The following STARD13 variants were observed in gnomAD, a reference collection of about 807,000 sequenced individuals.
STARD13 encodes the protein stAR-related lipid transfer protein 13.
STARD13 carries 62 observed loss-of-function variants against 106.4 expected under a neutral mutation model. That is an observed-to-expected ratio of 0.58 (90% CI 0.48 to 0.72). The LOEUF is 0.72. STARD13 is among the 30% of genes least tolerant of loss of function. The pLI is 0.00. For synonymous variants in STARD13, 565 were observed against 553.0 expected, an observed-to-expected ratio of 1.02 and a Z score of -0.31; for missense variants, 1,387 against 1,424.0, an observed-to-expected ratio of 0.97 and a Z score of 0.42.
At chr13:33,415,646 G>A in the STARD13 span, among the ~76,000 whole-genome samples, 10 of 152,054 alleles carry the variant, frequency 6.6e-5, no homozygotes, top group South Asian at 2.1e-3. Flanking sequence ...GCAGCGCTCC[G>A]CAGACCTCAA....
At chr13:33,336,672 C>T (rs554808087) in intron 1 of STARD13, 1 of 150,838 alleles carries the variant, frequency 6.6e-6, no homozygotes, top group African/African-American at 2.4e-5. Context: ...GGGAGGATGG[C>T]TTGAGCCACA....
chr13:33,265,064 C>T (rs532438267), intron 1 of STARD13, among the ~76,000 whole-genome samples: 100 of 152,244 alleles, frequency 6.6e-4, no homozygotes, highest in African/African-American at 2.4e-3. Context: ...TCAGAGTAAG[C>T]CAGTTCTCCG....
In STARD13 at chr13:33,205,835, C is replaced by G. The variant is rs556168644; in HGVS notation, c.170-38213G>C. On this transcript the variant is annotated intron_variant, in intron 1 of 13. Transcript: ENST00000336934. ...CAAACTTACTTTGTTTAAAATTGTC[C>G]TTAGGCTGTGCTGTACCTTTCAAAC... 3.0e-6 allele frequency: 3 copies of G among 985,216 alleles called. No individual in the cohort carries two copies. The East Asian group carries it at 3.4e-4, about 112-fold the overall frequency. The allele number at this position is 985,216 out of a possible 1,614,324, so 61.0% of individuals were successfully genotyped here.
At chr13:33,521,449 G>A in the STARD13 span, among the ~76,000 whole-genome samples, 1 of 152,066 alleles carries the variant, frequency 6.6e-6, no homozygotes, top group Admixed American at 6.6e-5. Flanking sequence ...AAAACAGCAA[G>A]GGAAACAGAA....
chr13:33,405,057 G>A, the STARD13 span, among the ~76,000 whole-genome samples: 5 of 152,274 alleles, frequency 3.3e-5, no homozygotes, highest in South Asian at 2.1e-4. Flanking sequence ...GATTACAGGC[G>A]TGAGCCACCA....
intron 1 of STARD13, among the ~76,000 whole-genome samples, chr13:33,240,266 A>T (rs1048154365): frequency 6.6e-6 from 1 of 152,112 alleles, no homozygotes; most frequent in African/African-American, 2.4e-5. Context: ...TGCCGGTAAC[A>T]TACTGTTTTG....
At chr13:33,363,733 A>G in the STARD13 span, among the ~76,000 whole-genome samples, 1 of 152,198 alleles carries the variant, frequency 6.6e-6, no homozygotes, top group African/African-American at 2.4e-5. Flanking sequence ...TTTTATTCCT[A>G]CATTGGATTG....
At chr13:33,623,185 C>T in the STARD13 span, among the ~76,000 whole-genome samples, 224 of 151,900 alleles carry the variant, frequency 1.5e-3, 1 homozygote, top group Middle Eastern at 3.4e-3. Flanking sequence ...AGATAATTTA[C>T]CACATTTAAA....
the STARD13 span, among the ~76,000 whole-genome samples, chr13:33,484,056 C>T: frequency 6.6e-6 from 1 of 152,122 alleles, no homozygotes; most frequent in Non-Finnish European, 1.5e-5. Context: ...GTGGTTGAAA[C>T]CACCTTTGCA....
intron 12 of STARD13, among the ~76,000 whole-genome samples, chr13:33,107,919 T>G (rs1873991475): frequency 6.6e-6 from 1 of 152,236 alleles, no homozygotes; most frequent in African/African-American, 2.4e-5. Context: ...TACTAAGTCA[T>G]GTCCTCCATG....
the STARD13 span, among the ~76,000 whole-genome samples, chr13:33,601,346 G>T: frequency 6.6e-6 from 1 of 150,682 alleles, no homozygotes; most frequent in Non-Finnish European, 1.5e-5. Flanking sequence ...TGGCTGTTTT[G>T]CTTGGTGCCA....
chr13:33,490,105 T>C, the STARD13 span, among the ~76,000 whole-genome samples: 1 of 152,220 alleles, frequency 6.6e-6, no homozygotes, highest in Non-Finnish European at 1.5e-5. Context: ...GATACAATTA[T>C]AAATGGAATT....
the STARD13 span, among the ~76,000 whole-genome samples, chr13:33,375,333 C>G: frequency 1.3e-5 from 2 of 152,084 alleles, no homozygotes; most frequent in African/African-American, 2.4e-5. Flanking sequence ...GCTGACAATG[C>G]AAGGGAATAG....
intron 2 of STARD13, among the ~76,000 whole-genome samples, chr13:33,166,502 C>A (rs550716522): frequency 1.3e-5 from 2 of 152,250 alleles, no homozygotes; most frequent in African/African-American, 2.4e-5. Flanking sequence ...CTCGTGGCCA[C>A]CCCCTGTCCT....
At position 33,285,724 on chromosome 13, in the gene STARD13, C is replaced by A; in HGVS notation, c.-86G>T. ...CTCAGTCAAAGAGCAAGGCACCCAG[C>A]CCAGGACAGCTCAACAGACCCAGCG... On this transcript the variant is annotated 5_prime_UTR_variant, in exon 1 of 14. Coordinates refer to ENST00000336934, the MANE Select transcript of STARD13 (RefSeq NM_178006.4). 6.5e-7 allele frequency: 1 copy of A among 1,546,990 alleles called. No homozygotes were observed. The highest frequency in any genetic ancestry group is 1.3e-5 in the South Asian group (1 of 78,962).
chr13:33,427,546 C>A, the STARD13 span, among the ~76,000 whole-genome samples: 1 of 152,158 alleles, frequency 6.6e-6, no homozygotes, highest in Admixed American at 6.5e-5. Flanking sequence ...AATAAATTCA[C>A]CCAATACTAT....
chr13:33,341,414 G>A (rs970654535), intron 1 of STARD13, among the ~76,000 whole-genome samples: 1 of 152,074 alleles, frequency 6.6e-6, no homozygotes, highest in Non-Finnish European at 1.5e-5. Context: ...CGAGGTGGGC[G>A]GATCACAAGG....
intron 1 of STARD13, among the ~76,000 whole-genome samples, chr13:33,298,131 T>C (rs1892569877): frequency 8.0e-6 from 1 of 125,754 alleles, no homozygotes; most frequent in South Asian, 3.0e-4. Flanking sequence ...GTTTTTTTTT[T>C]TTTTTTTTTT....
At chr13:33,209,924 G>A (rs1486650551) in intron 1 of STARD13, among the ~76,000 whole-genome samples, 2 of 152,172 alleles carry the variant, frequency 1.3e-5, no homozygotes, top group African/African-American at 4.8e-5. Context: ...AGTGAGCTGT[G>A]ATCATGCCAC....
Sources: gnomAD v4.1 joint callset for allele counts (sites outside exome capture counted in the v4.1 genomes callset) on GRCh38, gnomAD v4.1.1 for gene constraint, MANE v1.5 for transcripts, NCBI Gene and HGNC (gene_info 2026-07-23, HGNC 2026-07-21) for gene names.